The following TYW1B variants were observed in gnomAD, a reference collection of about 807,000 sequenced individuals.
TYW1B encodes S-adenosyl-L-methionine-dependent tRNA 4-demethylwyosine synthase TYW1B.
In TYW1B, 73 loss-of-function variants were observed where a neutral mutation model predicts 86.9. That is an observed-to-expected ratio of 0.84 (90% CI 0.70 to 1.02). TYW1B has a LOEUF of 1.02. Among genes scored for constraint, TYW1B ranks in the 50% least tolerant of loss-of-function variants. TYW1B has a pLI of 0.00. For missense variants in TYW1B, 637 were observed against 827.4 expected (o/e 0.77, Z 2.82); for synonymous variants, 248 against 292.8 (o/e 0.85, Z 1.56).
chr7:72,739,025 C>A (rs1278413172), intron 8 of TYW1B, among the ~76,000 whole-genome samples: 1 of 151,896 alleles, frequency 6.6e-6, no homozygotes, highest in Non-Finnish European at 1.5e-5. Flanking sequence ...GTTCAAGGTA[C>A]CAGTGAGCTA....
At chr7:72,733,264 A>G (rs1178269213) in intron 8 of TYW1B, among the ~76,000 whole-genome samples, 8 of 152,132 alleles carry the variant, frequency 5.3e-5, no homozygotes, top group Non-Finnish European at 1.5e-5. Flanking sequence ...TTAGAAACTC[A>G]GTATTATACG....
At chr7:72,763,351 C>T (rs1177618402) in intron 7 of TYW1B, among the ~76,000 whole-genome samples, 3 of 140,986 alleles carry the variant, frequency 2.1e-5, no homozygotes, top group South Asian at 2.3e-4. Flanking sequence ...GGCGTAGTCT[C>T]GGCTCACTGC....
intron 6 of TYW1B, among the ~76,000 whole-genome samples, chr7:72,780,091 G>A (rs1347325976): frequency 2.0e-5 from 3 of 151,990 alleles, no homozygotes; most frequent in Non-Finnish European, 4.4e-5. Flanking sequence ...AAATAAAAAG[G>A]CTCCAGTTAT....
chr7:72,695,734 A>G (rs1814300355), intron 10 of TYW1B, among the ~76,000 whole-genome samples: 1 of 151,950 alleles, frequency 6.6e-6, no homozygotes, highest in Admixed American at 6.6e-5. Context: ...CTGGGACCAC[A>G]TGCATGTGCC....
chr7:72,744,075 C>A (rs1787352325), intron 8 of TYW1B, among the ~76,000 whole-genome samples: 1 of 151,908 alleles, frequency 6.6e-6, no homozygotes, highest in Non-Finnish European at 1.5e-5. Context: ...AATAACAAGA[C>A]ACCCAAGCTG....
chr7:72,760,288 T>C (rs2129571683), intron 7 of TYW1B, among the ~76,000 whole-genome samples: 1 of 152,332 alleles, frequency 6.6e-6, no homozygotes, highest in South Asian at 2.1e-4. Context: ...GTATAAAAGA[T>C]GTTTTAAAAA....
chr7:72,771,083 C>T (rs1319031582), intron 7 of TYW1B, among the ~76,000 whole-genome samples: 2 of 151,400 alleles, frequency 1.3e-5, no homozygotes, highest in East Asian at 3.9e-4. Context: ...CTGCCTCAGC[C>T]TCTCGAATAG....
intron 10 of TYW1B, among the ~76,000 whole-genome samples, chr7:72,700,416 A>C (rs1290738517): frequency 1.3e-5 from 2 of 151,382 alleles, no homozygotes; most frequent in Non-Finnish European, 2.9e-5. Flanking sequence ...CAGGTGATCC[A>C]CCTGCCTCAG....
chr7:72,620,983 T>C (rs1184768858), intron 12 of TYW1B, among the ~76,000 whole-genome samples: 1 of 152,182 alleles, frequency 6.6e-6, no homozygotes, highest in African/African-American at 2.4e-5. Context: ...CCCACACTTT[T>C]ATAGCCTGGT....
intron 8 of TYW1B, among the ~76,000 whole-genome samples, chr7:72,740,164 T>G (rs1787276560): frequency 6.6e-6 from 1 of 150,638 alleles, no homozygotes; most frequent in Non-Finnish European, 1.5e-5. Context: ...ACCTGGGAGG[T>G]GGAGCTTGCA....
intron 13 of TYW1B, among the ~76,000 whole-genome samples, chr7:72,584,450 G>A (rs1554430145): frequency 6.6e-6 from 1 of 151,264 alleles, no homozygotes; most frequent in Non-Finnish European, 1.5e-5. Context: ...AGAAAACAGT[G>A]TATATTCCAA....
In TYW1B at chr7:72,715,163, G is replaced by A. The variant is rs547167162; in HGVS notation, c.1193-1365C>T. Among the ~76,000 whole-genome samples the A allele has an allele frequency of 6.2e-3, 947 of 151,888 alleles. 10 individuals carry two copies. Among genetic ancestry groups the A allele is most frequent in the African/African-American group, 0.02 (812 of 41,334 alleles). ...GATCAACTAAACGCCAATCTCTGGCGGAGGGGTGCAGGCAATTCGCAGTTT... is the reference window on the plus strand; with the variant it reads ...GATCAACTAAACGCCAATCTCTGGCAGAGGGGTGCAGGCAATTCGCAGTTT... On this transcript the variant is annotated intron_variant, in intron 9 of 13. Transcript: ENST00000620995.
At chr7:72,743,269 G>A (rs1281531706) in intron 8 of TYW1B, among the ~76,000 whole-genome samples, 1 of 152,142 alleles carries the variant, frequency 6.6e-6, no homozygotes, top group African/African-American at 2.4e-5. Context: ...AAGGACAGAA[G>A]CAGAAAGAAG....
chr7:72,603,210 G>A (rs1351011803), intron 13 of TYW1B, among the ~76,000 whole-genome samples: 2 of 151,034 alleles, frequency 1.3e-5, no homozygotes, highest in Non-Finnish European at 3.0e-5. Flanking sequence ...ACAGAGATTA[G>A]CTGGACAGAT....
Position 72,727,811 on chromosome 7 carries a change from CAAAAAAAAA to C in TYW1B, c.1192+1002_1192+1010del, listed in dbSNP as rs10714290. Among the ~76,000 whole-genome samples, 46 of 107,662 alleles carry C rather than the reference CAAAAAAAAA, an allele frequency of 4.3e-4. 3 individuals carry two copies. The highest frequency in any genetic ancestry group is 1.4e-3 in the South Asian group (4 of 2,878). 70.6% of individuals were successfully genotyped at this position (107,662 alleles called of 152,430 possible). On this transcript the variant is annotated intron_variant, in intron 9 of 13. Transcript: ENST00000620995. ...CTGGGTGACAGAGTGAGATCCGGTCCAAAAAAAAAAAAAAAAAAAAAAGAAGAAAGACAA... is the reference window on the plus strand; with the variant it reads ...CTGGGTGACAGAGTGAGATCCGGTCCAAAAAAAAAAAAAGAAGAAAGACAA...
intron 9 of TYW1B, among the ~76,000 whole-genome samples, chr7:72,717,506 A>C (rs1786813252): frequency 6.6e-6 from 1 of 152,062 alleles, no homozygotes; most frequent in African/African-American, 2.4e-5. Context: ...GCCTTCACAG[A>C]AAAAAACAAA....
At chr7:72,666,390 T>C (rs1397801229) in intron 11 of TYW1B, among the ~76,000 whole-genome samples, 1 of 151,796 alleles carries the variant, frequency 6.6e-6, no homozygotes, top group Non-Finnish European at 1.5e-5. Context: ...TGTGCAACTA[T>C]GCTCCAGCCT....
intron 13 of TYW1B, among the ~76,000 whole-genome samples, chr7:72,606,279 G>C (rs1261874729): frequency 2.6e-5 from 4 of 152,094 alleles, no homozygotes; most frequent in Non-Finnish European, 5.9e-5. Flanking sequence ...AAAACTTTTA[G>C]ACAATAACCA....
chr7:72,762,821 G>A (rs576310646), intron 7 of TYW1B, among the ~76,000 whole-genome samples: 15 of 151,870 alleles, frequency 9.9e-5, no homozygotes, highest in Admixed American at 1.3e-4. Flanking sequence ...CACCATGCCC[G>A]GCTAATTTTT....
Sources: gnomAD v4.1 joint callset for allele counts (sites outside exome capture counted in the v4.1 genomes callset) on GRCh38, gnomAD v4.1.1 for gene constraint, MANE v1.5 for transcripts, NCBI Gene and HGNC (gene_info 2026-07-23, HGNC 2026-07-21) for gene names.